Variants in PCDHA10 observed in about 807,000 individuals in gnomAD.
PCDHA10 encodes the protein protocadherin alpha-10.
PCDHA10 carries 45 observed loss-of-function variants against 61.2 expected under a neutral mutation model. That is an observed-to-expected ratio of 0.74 (90% CI 0.58 to 0.94). The LOEUF is 0.94. PCDHA10 is among the 40% of genes least tolerant of loss of function. The probability of loss-of-function intolerance (pLI) is 0.00; values close to 1 mark genes in which losing one functional copy is unlikely to be tolerated. For synonymous variants in PCDHA10, 602 were observed against 548.8 expected (o/e 1.10, Z -1.35); for missense variants, 1,278 against 1,236.2 (o/e 1.03, Z -0.51).
At chr5:140,970,810 A>G (rs2096434442) in intron 1 of PCDHA10, among the ~76,000 whole-genome samples, 1 of 152,138 alleles carries the variant, frequency 6.6e-6, no homozygotes. Flanking sequence ...TTACATTTCA[A>G]GTTCATGGTA....
chr5:140,875,381 A>G, intron 1 of PCDHA10: 7 of 1,461,296 alleles, frequency 4.8e-6, no homozygotes, highest in Non-Finnish European at 6.3e-6. Flanking sequence ...CTAAATATGT[A>G]CTTACAGAAA....
Position 140,856,459 on chromosome 5 carries a change from A to G in PCDHA10, c.411A>G (p.Gln137=), listed in dbSNP as rs566691333. ...CGCCCAGGTTCTCCGTAACAGAACAAAAGCTCTCAATACCTGAATCCAGAC... is the reference window on the plus strand; with the variant it reads ...CGCCCAGGTTCTCCGTAACAGAACAGAAGCTCTCAATACCTGAATCCAGAC... ...DNPPRFSVTE[Q]KLSIPESRLL... The change falls in exon 1 of 4, where the codon CAA becomes CAG. Residue 137 remains glutamine (Q), a synonymous_variant. Coordinates refer to ENST00000307360, the MANE Select transcript of PCDHA10 (RefSeq NM_018901.4). 1.3e-6 allele frequency: 2 copies of G among 1,598,380 alleles called. No homozygotes were observed. The highest frequency in any genetic ancestry group is 2.2e-5 in the South Asian group (2 of 90,526).
chr5:140,959,073 G>A (rs775479268), intron 1 of PCDHA10, among the ~76,000 whole-genome samples: 2 of 152,094 alleles, frequency 1.3e-5, no homozygotes, highest in Non-Finnish European at 2.9e-5. Flanking sequence ...ATAGAATTCA[G>A]TATTATCCTT....
chr5:140,936,448 T>A (rs1477787930), intron 1 of PCDHA10, among the ~76,000 whole-genome samples: 1 of 152,210 alleles, frequency 6.6e-6, no homozygotes, highest in Non-Finnish European at 1.5e-5. Context: ...AATAACCACA[T>A]CTGTTTAGTG....
chr5:141,009,905 G>A lies in PCDHA10; in HGVS notation c.2815G>A (p.Gly939Arg), dbSNP rs781954349. The change falls in exon 4 of 4, where the codon GGG becomes AGG. Residue 939 changes from glycine (G) to arginine (R), a missense_variant. Physicochemically the swap from Gly to Arg is moderately radical, Grantham distance 125. Coordinates refer to ENST00000307360, the MANE Select transcript of PCDHA10 (RefSeq NM_018901.4). ...GNKTQEKKEK[G>R]NSTTDNSDQ Reference sequence around the variant, plus strand: ...CAAGACCCAGGAGAAAAAAGAGAAAGGGAACAGCACGACTGACAACAGTGA... The same window carrying A: ...CAAGACCCAGGAGAAAAAAGAGAAAAGGAACAGCACGACTGACAACAGTGA... 7.4e-6 allele frequency: 12 copies of A among 1,613,058 alleles called. No homozygotes were observed. Among genetic ancestry groups the A allele is most frequent in the Non-Finnish European group, 1.0e-5 (12 of 1,179,832 alleles).
At chr5:140,987,275 CTA>C (rs1554249023) in intron 3 of PCDHA10, among the ~76,000 whole-genome samples, 1 of 151,726 alleles carries the variant, frequency 6.6e-6, no homozygotes, top group Non-Finnish European at 1.5e-5. Context: ...ACCCGGCAGT[CTA>C]TGTTTTAACA....
At position 141,010,065 on chromosome 5, in the gene PCDHA10, A is replaced by G; in HGVS notation, c.*128A>G. The stretch of plus-strand genomic sequence containing the variant: ...CTTAGAGACCTCAGAAATCTGCAGA[A>G]AGTTCCCTGTGTCTGTCTAGAACGC... On this transcript the variant is annotated 3_prime_UTR_variant, in exon 4 of 4. Coordinates refer to ENST00000307360, the MANE Select transcript of PCDHA10 (RefSeq NM_018901.4). The G allele has an allele frequency of 1.9e-6, 3 of 1,603,546 alleles. No homozygotes were observed. The highest frequency in any genetic ancestry group is 1.1e-5 in the South Asian group (1 of 89,360).
At chr5:140,997,849 T>C (rs1554256029) in intron 3 of PCDHA10, among the ~76,000 whole-genome samples, 1 of 152,208 alleles carries the variant, frequency 6.6e-6, no homozygotes, top group African/African-American at 2.4e-5. Flanking sequence ...TACATTCTTA[T>C]ACATATTTCT....
Position 140,945,638 on chromosome 5 carries a change from A to G in PCDHA10, c.2389-33311A>G, listed in dbSNP as rs187448798. ...CATGGTACTGGCATAAAAGACATGTAGACCAATGGAGCAGAATACAGCTCC... is the reference window on the plus strand; with the variant it reads ...CATGGTACTGGCATAAAAGACATGTGGACCAATGGAGCAGAATACAGCTCC... On this transcript the variant is annotated intron_variant, in intron 1 of 3. Transcript: ENST00000307360. 2.6e-5 allele frequency among the ~76,000 whole-genome samples: 4 copies of G among 152,300 alleles called. No homozygotes were observed. The East Asian group carries it at 5.8e-4, about 22-fold the overall frequency.
chr5:140,871,688 G>C lies in PCDHA10; in HGVS notation c.2388+13252G>C, dbSNP rs868933304. On this transcript the variant is annotated intron_variant, in intron 1 of 3. Coordinates refer to ENST00000307360, the MANE Select transcript of PCDHA10 (RefSeq NM_018901.4). ...GTCTTTTAATCATATGAATAATCTG[G>C]CTTCTTTAACCAATAAATGTCCTAT... 1.9e-5 allele frequency: 20 copies of C among 1,060,782 alleles called. No homozygotes were observed. In the African/African-American group the frequency reaches 2.1e-4, roughly 11 times the overall value. The allele number at this position is 1,060,782 out of a possible 1,614,324, so 65.7% of individuals were successfully genotyped here. A position where few individuals can be genotyped will look rare whatever the true frequency, so the allele number is the denominator to read the frequency against.
chr5:140,903,275 T>A (rs1313552617), intron 1 of PCDHA10, among the ~76,000 whole-genome samples: 1 of 152,210 alleles, frequency 6.6e-6, no homozygotes, highest in East Asian at 1.9e-4. Flanking sequence ...TGAGGTAGTG[T>A]CTCATTGTGC....
chr5:141,004,883 A>T (rs1273215928), intron 3 of PCDHA10, among the ~76,000 whole-genome samples: 4 of 152,132 alleles, frequency 2.6e-5, no homozygotes, highest in Admixed American at 2.0e-4. Flanking sequence ...CTAAAGTGCT[A>T]TTGTGTCAGC....
At chr5:140,864,479 C>T (rs1272499335) in intron 1 of PCDHA10, 1 of 152,160 alleles carries the variant, frequency 6.6e-6, no homozygotes, top group Non-Finnish European at 1.5e-5. Flanking sequence ...ATGTTGATTG[C>T]AGTGGGTGGA....
chr5:140,938,113 C>CT (rs1337308557), intron 1 of PCDHA10, among the ~76,000 whole-genome samples: 1 of 152,056 alleles, frequency 6.6e-6, no homozygotes, highest in Non-Finnish European at 1.5e-5. Context: ...TACTTTCTCT[C>CT]TTTTTTTAAA....
At chr5:140,877,155 C>T in intron 1 of PCDHA10, 2 of 1,613,798 alleles carry the variant, frequency 1.2e-6, no homozygotes, top group Non-Finnish European at 1.7e-6. Context: ...AGAACGACAA[C>T]GCGCCGGCAC....
chr5:141,011,299 CTGAA>C lies in PCDHA10; in HGVS notation c.*1364_*1367del, dbSNP rs1554263406. ...TTTAGTTTTCCTTTTCTATAACACT[CTGAA>C]TTGCTAATCTTACTAACACCTATGA... is the stretch of plus-strand genomic sequence containing the variant. On this transcript the variant is annotated 3_prime_UTR_variant, in exon 4 of 4. Coordinates refer to ENST00000307360, the MANE Select transcript of PCDHA10 (RefSeq NM_018901.4). 1 of 153,768 alleles carries C rather than the reference CTGAA, an allele frequency of 6.5e-6. No homozygotes were observed. Among genetic ancestry groups the C allele is most frequent in the East Asian group, 1.9e-4 (1 of 5,198 alleles). The allele number at this position is 153,768 out of a possible 1,614,324, so 9.5% of individuals were successfully genotyped here.
In PCDHA10 at chr5:141,010,449, C is replaced by G. The variant is rs764975082; in HGVS notation, c.*512C>G. 1.1e-6 allele frequency: 1 copy of G among 915,348 alleles called. No homozygotes were observed. Among genetic ancestry groups the G allele is most frequent in the East Asian group, 2.7e-5 (1 of 36,418 alleles). 56.7% of individuals were successfully genotyped at this position (915,348 alleles called of 1,614,324 possible). ...CAAGAAAACAAAGACAAATAAACAGCGGAAGTTATCAGTATGGAGGGGAAG... is the reference window on the plus strand; with the variant it reads ...CAAGAAAACAAAGACAAATAAACAGGGGAAGTTATCAGTATGGAGGGGAAG... On this transcript the variant is annotated 3_prime_UTR_variant, in exon 4 of 4. Transcript: ENST00000307360.
At chr5:140,919,127 T>A (rs2079016296) in intron 1 of PCDHA10, among the ~76,000 whole-genome samples, 1 of 152,192 alleles carries the variant, frequency 6.6e-6, no homozygotes, top group East Asian at 1.9e-4. Flanking sequence ...TTGCTTCATG[T>A]GTTTTGGGGC....
chr5:140,932,346 A>C (rs529573484), intron 1 of PCDHA10, among the ~76,000 whole-genome samples: 1 of 151,954 alleles, frequency 6.6e-6, no homozygotes, highest in African/African-American at 2.4e-5. Context: ...AACACTTACC[A>C]TACAACTGGC....
Sources: gnomAD v4.1 joint callset for allele counts (sites outside exome capture counted in the v4.1 genomes callset) on GRCh38, gnomAD v4.1.1 for gene constraint, MANE v1.5 for transcripts, NCBI Gene and HGNC (gene_info 2026-07-23, HGNC 2026-07-21) for gene names.